Variants in SUFU observed in about 807,000 individuals in gnomAD.
SUFU encodes the protein SUFU negative regulator of hedgehog signaling.
In SUFU, 7 loss-of-function variants were observed where a neutral mutation model predicts 58.9. That is an observed-to-expected ratio of 0.12 (90% CI 0.07 to 0.22). SUFU has a LOEUF of 0.22. Ranked by LOEUF, SUFU falls within the 10% of genes least tolerant of loss-of-function variation. SUFU has a pLI of 1.00. For missense variants in SUFU, 451 were observed against 641.3 expected (o/e 0.70, Z 3.20); for synonymous variants, 232 against 254.8 (o/e 0.91, Z 0.85).
intron 3 of SUFU, among the ~76,000 whole-genome samples, chr10:102,575,747 G>T (rs1224354055): frequency 6.6e-6 from 1 of 152,198 alleles, no homozygotes; most frequent in South Asian, 2.1e-4. Context: ...TGATGCCACA[G>T]TAGCCAGTGT....
At chr10:102,568,937 T>TAAACAC in intron 3 of SUFU, among the ~76,000 whole-genome samples, 1 of 33,286 alleles carries the variant, frequency 3.0e-5, no homozygotes, top group Admixed American at 4.2e-4. Context: ...TATATATATA[T>TAAACAC]ATATATATAT....
At chr10:102,526,583 A>G (rs767530248) in intron 2 of SUFU, among the ~76,000 whole-genome samples, 3 of 152,166 alleles carry the variant, frequency 2.0e-5, no homozygotes, top group Non-Finnish European at 4.4e-5. Context: ...AAAAGCAGGG[A>G]TGGTACTCTG....
At chr10:102,520,364 C>G (rs926552577) in intron 2 of SUFU, among the ~76,000 whole-genome samples, 1 of 151,338 alleles carries the variant, frequency 6.6e-6, no homozygotes, top group African/African-American at 2.4e-5. Context: ...ACTACAGGCA[C>G]CCGCCACCAC....
At chr10:102,579,543 A>AGC (rs1407403385) in intron 3 of SUFU, among the ~76,000 whole-genome samples, 2 of 152,180 alleles carry the variant, frequency 1.3e-5, no homozygotes, top group Admixed American at 1.3e-4. Flanking sequence ...GAAGCTGAAG[A>AGC]GCGGGCGGTT....
chr10:102,620,461 G>A (rs2063730201), intron 10 of SUFU, among the ~76,000 whole-genome samples: 1 of 152,232 alleles, frequency 6.6e-6, no homozygotes, highest in Non-Finnish European at 1.5e-5. Flanking sequence ...ATGTGGCAAA[G>A]CAGGGCTTGT....
chr10:102,551,121 C>T (rs769150852), intron 3 of SUFU, among the ~76,000 whole-genome samples: 6 of 152,292 alleles, frequency 3.9e-5, no homozygotes, highest in South Asian at 4.1e-4. Flanking sequence ...CCCCTCTGCC[C>T]GCATTTCACA....
chr10:102,614,944 G>C (rs1342960602), intron 8 of SUFU, among the ~76,000 whole-genome samples: 1 of 151,386 alleles, frequency 6.6e-6, no homozygotes, highest in African/African-American at 2.4e-5. Flanking sequence ...ACCTGCCCGA[G>C]ACTGGATCTC....
At chr10:102,592,832 C>A in intron 4 of SUFU, 108 bp downstream of exon 4, 1 of 1,307,670 alleles carries the variant, frequency 7.6e-7, no homozygotes, top group South Asian at 1.2e-5. Flanking sequence ...TTCCTTTGGC[C>A]TCGTCCTGAT....
At chr10:102,518,606 G>C (rs2062505371) in intron 2 of SUFU, among the ~76,000 whole-genome samples, 1 of 151,590 alleles carries the variant, frequency 6.6e-6, no homozygotes, top group African/African-American at 2.4e-5. Context: ...GAGTGCACTG[G>C]CTCCATCTTG....
Position 102,631,973 on chromosome 10 carries a change from C to T in SUFU, c.*1818C>T, listed in dbSNP as rs566478331. The T allele has an allele frequency of 4.3e-6, 1 of 233,402 alleles. No homozygotes were observed. The highest frequency in any genetic ancestry group is 1.8e-4 in the South Asian group (1 of 5,532). 14.5% of individuals were successfully genotyped at this position (233,402 alleles called of 1,614,324 possible). On this transcript the variant is annotated 3_prime_UTR_variant, in exon 12 of 12. Coordinates refer to ENST00000369902, the MANE Select transcript of SUFU (RefSeq NM_016169.4). ...AGGGAGCCCTACTGGCCTTCCCCCA[C>T]CACAGCAGCCCTGCCTGTGAAGCTC...
At chr10:102,610,144 A>G (rs961458351) in intron 8 of SUFU, among the ~76,000 whole-genome samples, 18 of 152,126 alleles carry the variant, frequency 1.2e-4, no homozygotes, top group African/African-American at 4.3e-4. Flanking sequence ...TGGGAGGCTG[A>G]GGCGGGCAGA....
intron 4 of SUFU, 74 bp downstream of exon 4, chr10:102,592,798 G>A: frequency 4.4e-6 from 7 of 1,574,228 alleles, no homozygotes; most frequent in Non-Finnish European, 6.1e-6. Context: ...GGCTTGAGGA[G>A]GGGGAGTGAA....
chr10:102,533,513 A>G (rs1046898604), intron 2 of SUFU, among the ~76,000 whole-genome samples: 12 of 152,114 alleles, frequency 7.9e-5, no homozygotes, highest in African/African-American at 2.2e-4. Flanking sequence ...GGCTGAGGCA[A>G]CAGTGAGCCG....
chr10:102,550,748 T>TG (rs1189177531), intron 3 of SUFU, among the ~76,000 whole-genome samples: 1 of 151,342 alleles, frequency 6.6e-6, no homozygotes, highest in Non-Finnish European at 1.5e-5. Context: ...GTGACTTTTT[T>TG]TTTTTTTTTT....
At chr10:102,621,217 C>A (rs1222098530) in intron 10 of SUFU, among the ~76,000 whole-genome samples, 2 of 152,256 alleles carry the variant, frequency 1.3e-5, no homozygotes, top group African/African-American at 4.8e-5. Context: ...ACTGTTCCTC[C>A]TTCCACGGGT....
intron 2 of SUFU, among the ~76,000 whole-genome samples, chr10:102,515,607 C>T (rs2033129926): frequency 6.6e-6 from 1 of 152,102 alleles, no homozygotes; most frequent in South Asian, 2.1e-4. Flanking sequence ...TGAGCCATCC[C>T]GCCTGGCCTG....
chr10:102,532,997 C>A (rs1293875756), intron 2 of SUFU, among the ~76,000 whole-genome samples: 5 of 152,042 alleles, frequency 3.3e-5, no homozygotes, highest in South Asian at 2.1e-4. Context: ...ATGCAGAAGG[C>A]TAACGCATGG....
intron 8 of SUFU, among the ~76,000 whole-genome samples, chr10:102,600,020 CCCTGGGGCCCAGG>C (rs1257058860): frequency 6.6e-6 from 1 of 152,164 alleles, no homozygotes; most frequent in Non-Finnish European, 1.5e-5. Flanking sequence ...TGCCTCTCTT[CCCTGGGGCCCAGG>C]GAAGGGAAAG....
chr10:102,618,958 G>A, intron 10 of SUFU: 4 of 789,594 alleles, frequency 5.1e-6, no homozygotes, highest in Non-Finnish European at 6.5e-6. Context: ...GTGTGTGTGT[G>A]TGTGTGTGTG....
Sources: allele counts gnomAD v4.1 joint callset (sites outside exome capture counted in the v4.1 genomes callset), GRCh38; gene constraint gnomAD v4.1.1; transcripts MANE v1.5; gene names NCBI Gene and HGNC (gene_info 2026-07-23, HGNC 2026-07-21).